FRMD4A: variants seen among roughly 807,000 people sequenced by gnomAD.
FRMD4A encodes the protein FERM domain-containing protein 4A.
FRMD4A carries 29 observed loss-of-function variants against 129.1 expected under a neutral mutation model. That is an observed-to-expected ratio of 0.22 (90% CI 0.17 to 0.31). The LOEUF (loss-of-function observed/expected upper bound fraction) is 0.31, where lower values mean the gene tolerates loss of function less well. FRMD4A is among the 10% of genes least tolerant of loss of function. The pLI is 1.00. For synonymous variants in FRMD4A, 634 were observed against 571.6 expected (o/e 1.11, Z -1.56); for missense variants, 1,272 against 1,375.8 (o/e 0.92, Z 1.19).
intron 2 of FRMD4A, among the ~76,000 whole-genome samples, chr10:14,130,852 C>T (rs1280087425): frequency 6.6e-6 from 1 of 152,158 alleles, no homozygotes; most frequent in Non-Finnish European, 1.5e-5. Context: ...TCTTACTAGG[C>T]CCAAGCTGTT....
At chr10:13,690,319 C>T (rs7079380) in intron 15 of FRMD4A, among the ~76,000 whole-genome samples, 1 of 152,148 alleles carries the variant, frequency 6.6e-6, no homozygotes, top group East Asian at 1.9e-4. Flanking sequence ...CAAGGGATGT[C>T]GAATCAGCCC....
intron 5 of FRMD4A, among the ~76,000 whole-genome samples, chr10:13,790,257 G>C (rs1019918157): frequency 6.6e-6 from 1 of 152,146 alleles, no homozygotes; most frequent in Admixed American, 6.5e-5. Context: ...CAACGAAAGG[G>C]GAGCACATTT....
chr10:14,121,384 C>CA (rs1303450824), intron 2 of FRMD4A, among the ~76,000 whole-genome samples: 4 of 152,068 alleles, frequency 2.6e-5, no homozygotes, highest in Non-Finnish European at 4.4e-5. Flanking sequence ...GAACAAAAAA[C>CA]AAAAAAACCA....
At chr10:13,861,174 A>G (rs2094289774) in intron 2 of FRMD4A, among the ~76,000 whole-genome samples, 1 of 152,202 alleles carries the variant, frequency 6.6e-6, no homozygotes, top group Admixed American at 6.5e-5. Context: ...CCTGGAGACC[A>G]GGAGTTATGG....
intron 2 of FRMD4A, among the ~76,000 whole-genome samples, chr10:14,104,887 T>C (rs1362415430): frequency 6.6e-6 from 1 of 152,324 alleles, no homozygotes; most frequent in South Asian, 2.1e-4. Flanking sequence ...GAGTGTGGTA[T>C]GGGGGCAGGC....
chr10:13,997,937 T>C (rs1329197877), intron 2 of FRMD4A, among the ~76,000 whole-genome samples: 1 of 152,188 alleles, frequency 6.6e-6, no homozygotes, highest in African/African-American at 2.4e-5. Flanking sequence ...ATGCATGCAA[T>C]TTGTGCAATC....
chr10:13,960,832 CTCTTCCAT>C (rs1438272193), intron 2 of FRMD4A, among the ~76,000 whole-genome samples: 1 of 152,190 alleles, frequency 6.6e-6, no homozygotes, highest in Non-Finnish European at 1.5e-5. Flanking sequence ...CTCACCAGAG[CTCTTCCAT>C]TCTCTGCCCT....
At position 13,693,929 on chromosome 10, in the gene FRMD4A, G is replaced by T; in HGVS notation, c.1086C>A (p.Ile362=). Residue 362 remains isoleucine, a synonymous_variant, in exon 15 of 25, where the codon ATC becomes ATA. Transcript: ENST00000357447. ...ACAGCAGGCTGCCGCTGCTGCCGCT[G>T]ATGATCTTCCCCTTGCTACCCATGT... The part of the protein sequence containing the change: ...LANMGSKGKI[I]SGSSGSLLSS... 6.2e-7 allele frequency: 1 copy of T among 1,607,678 alleles called. No individual in the cohort carries two copies. Among genetic ancestry groups the T allele is most frequent in the Admixed American group, 1.7e-5 (1 of 58,380 alleles).
At chr10:13,880,421 C>T (rs565645607) in intron 2 of FRMD4A, among the ~76,000 whole-genome samples, 13 of 152,342 alleles carry the variant, frequency 8.5e-5, no homozygotes, top group Middle Eastern at 6.8e-3. Flanking sequence ...TCATCATTGT[C>T]ATCATTTGTC....
chr10:13,900,238 T>C (rs2094804325), intron 2 of FRMD4A, among the ~76,000 whole-genome samples: 1 of 152,232 alleles, frequency 6.6e-6, no homozygotes, highest in Admixed American at 6.5e-5. Context: ...ATGAAGAAAT[T>C]ATCCAATGGC....
intron 2 of FRMD4A, among the ~76,000 whole-genome samples, chr10:14,281,015 G>C (rs796123247): frequency 3.1e-5 from 3 of 97,370 alleles, no homozygotes; most frequent in Admixed American, 2.4e-4. Flanking sequence ...TTTTTGCAAC[G>C]GAGTTTCGAT....
intron 2 of FRMD4A, among the ~76,000 whole-genome samples, chr10:13,933,263 G>T (rs752820710): frequency 6.7e-6 from 1 of 148,864 alleles, no homozygotes; most frequent in Non-Finnish European, 1.5e-5. Flanking sequence ...TTCATAGGGT[G>T]TACACCGAGT....
chr10:14,206,330 C>T (rs2131948049), intron 2 of FRMD4A, among the ~76,000 whole-genome samples: 1 of 152,298 alleles, frequency 6.6e-6, no homozygotes, highest in East Asian at 1.9e-4. Flanking sequence ...GAATCTACCA[C>T]CTATAGGTTA....
intron 2 of FRMD4A, among the ~76,000 whole-genome samples, chr10:13,986,111 C>G (rs7089298): frequency 0.35 from 53,503 of 151,990 alleles, 10,400 homozygotes; most frequent in East Asian, 0.72. Context: ...ACGGCAGCAA[C>G]CCTCTCCCAC....
rs546085471 is a variant in FRMD4A at position 13,998,459 on chromosome 10, C to T, written c.46-139547G>A. Among the ~76,000 whole-genome samples, 5 of 152,290 alleles carry T rather than the reference C, an allele frequency of 3.3e-5. No homozygotes were observed. The East Asian group carries it at 9.7e-4, about 29-fold the overall frequency. Reference sequence around the variant, plus strand: ...TCTTATCTCCAATACAGACCTCTCACCCAAAGAGAAAACATATGTTTTTAA... The same window carrying T: ...TCTTATCTCCAATACAGACCTCTCATCCAAAGAGAAAACATATGTTTTTAA... On this transcript the variant is annotated intron_variant, in intron 2 of 24. Coordinates refer to ENST00000357447, the MANE Select transcript of FRMD4A (RefSeq NM_018027.5).
intron 3 of FRMD4A, among the ~76,000 whole-genome samples, chr10:13,812,925 C>A (rs752109532): frequency 4.6e-5 from 7 of 152,248 alleles, no homozygotes; most frequent in Non-Finnish European, 8.8e-5. Flanking sequence ...GGTGGAACGT[C>A]TACTCTGCGA....
At chr10:13,773,264 C>G (rs763155207) in intron 6 of FRMD4A, among the ~76,000 whole-genome samples, 1 of 152,132 alleles carries the variant, frequency 6.6e-6, no homozygotes, top group Non-Finnish European at 1.5e-5. Context: ...TCATAAAACC[C>G]GACCTGCCCT....
intron 2 of FRMD4A, among the ~76,000 whole-genome samples, chr10:13,941,321 C>T (rs1029670550): frequency 1.3e-5 from 2 of 152,158 alleles, no homozygotes; most frequent in East Asian, 1.9e-4. Context: ...ATAAGACATG[C>T]CTTCTGCCTT....
At chr10:14,005,034 T>C (rs1039159521) in intron 2 of FRMD4A, among the ~76,000 whole-genome samples, 2 of 150,048 alleles carry the variant, frequency 1.3e-5, no homozygotes, top group African/African-American at 4.9e-5. Context: ...TTCTTTCTTT[T>C]TTTTTTGAGA....
Sources: allele counts gnomAD v4.1 joint callset (sites outside exome capture counted in the v4.1 genomes callset), GRCh38; gene constraint gnomAD v4.1.1; transcripts MANE v1.5; gene names NCBI Gene and HGNC (gene_info 2026-07-23, HGNC 2026-07-21).